Variants in ATP2B4 observed in about 807,000 individuals in gnomAD.
ATP2B4 encodes the protein ATPase plasma membrane Ca2+ transporting 4, also known as plasma membrane calcium-transporting ATPase 4.
ATP2B4 carries 39 observed loss-of-function variants against 110.3 expected under a neutral mutation model. The observed-to-expected ratio is 0.35, with a 90% CI of 0.27 to 0.46. The LOEUF (loss-of-function observed/expected upper bound fraction) is 0.46, where lower values mean the gene tolerates loss of function less well. ATP2B4 is among the 20% of genes least tolerant of loss of function. ATP2B4 has a pLI of 1.00. For missense variants in ATP2B4, 1,135 were observed against 1,530.9 expected (o/e 0.74, Z 4.32); for synonymous variants, 538 against 571.7 (o/e 0.94, Z 0.84).
At chr1:203,720,028 T>C (rs1193053649) in intron 15 of ATP2B4, among the ~76,000 whole-genome samples, 1 of 152,098 alleles carries the variant, frequency 6.6e-6, no homozygotes, top group East Asian at 1.9e-4. Context: ...GCTGAGATCC[T>C]GCCACTGCAC....
chr1:203,672,479 A>G (rs1486047240), intron 1 of ATP2B4, among the ~76,000 whole-genome samples: 1 of 152,090 alleles, frequency 6.6e-6, no homozygotes, highest in Non-Finnish European at 1.5e-5. Context: ...TCGCTTTGCC[A>G]TAGCAACCTA....
intron 1 of ATP2B4, among the ~76,000 whole-genome samples, chr1:203,659,908 C>T (rs1442034496): frequency 6.7e-6 from 1 of 149,472 alleles, no homozygotes; most frequent in East Asian, 2.0e-4. Context: ...ATGGTGAAAT[C>T]CTGTCTCTAC....
At chr1:203,724,034 A>T in intron 19 of ATP2B4, 46 bp downstream of exon 19, 1 of 1,498,908 alleles carries the variant, frequency 6.7e-7, no homozygotes, top group Non-Finnish European at 9.1e-7. Context: ...AGCCTGCAGA[A>T]CTCCCCTCCT....
chr1:203,728,125 A>C (rs1472620287), intron 20 of ATP2B4: 1 of 443,460 alleles, frequency 2.3e-6, no homozygotes, highest in Non-Finnish European at 4.6e-6. Context: ...ATGTGTAAAA[A>C]TGACAATAGT....
rs1015223134 is a variant in ATP2B4 at position 203,740,315 on chromosome 1, T to C, written c.*461T>C. 6.3e-6 allele frequency: 1 copy of C among 158,866 alleles called. No individual in the cohort carries two copies. The highest frequency in any genetic ancestry group is 2.4e-5 in the African/African-American group (1 of 41,498). The allele number at this position is 158,866 out of a possible 1,614,324, so 9.8% of individuals were successfully genotyped here. On this transcript the variant is annotated 3_prime_UTR_variant, in exon 21 of 21. Coordinates refer to ENST00000357681, the MANE Select transcript of ATP2B4 (RefSeq NM_001684.5). ...TGGAATGTATAAAATCCGCCAGTAG[T>C]GTGATTGTTTTTCAATTTTTCCCAC...
intron 1 of ATP2B4, among the ~76,000 whole-genome samples, chr1:203,628,390 G>A (rs1328617549): frequency 1.3e-5 from 2 of 152,152 alleles, no homozygotes; most frequent in African/African-American, 4.8e-5. Context: ...TGGGCACTCT[G>A]CTGCCAGAGG....
intron 4 of ATP2B4, 93 bp from the exon 5 acceptor site, chr1:203,700,113 C>G (rs757079941): frequency 6.9e-7 from 1 of 1,447,230 alleles, no homozygotes; most frequent in Non-Finnish European, 9.4e-7. Context: ...ATGGGAACAG[C>G]CATGAGATAG....
intron 20 of ATP2B4, chr1:203,729,687 G>A (rs1666640357): frequency 1.5e-6 from 2 of 1,310,616 alleles, no homozygotes; most frequent in Non-Finnish European, 2.1e-6. Flanking sequence ...GGGCGATGCA[G>A]CTCCCTGGGG....
chr1:203,723,662 C>T (rs1165569999), intron 18 of ATP2B4, among the ~76,000 whole-genome samples: 1 of 152,118 alleles, frequency 6.6e-6, no homozygotes, highest in Non-Finnish European at 1.5e-5. Flanking sequence ...ATCATAGTCA[C>T]AGTAACTATG....
At chr1:203,718,945 G>C (rs1386410000) in intron 15 of ATP2B4, among the ~76,000 whole-genome samples, 1 of 152,100 alleles carries the variant, frequency 6.6e-6, no homozygotes, top group Admixed American at 6.5e-5. Context: ...TTTTAGGCCA[G>C]TGTGGTGGCT....
intron 1 of ATP2B4, among the ~76,000 whole-genome samples, chr1:203,638,706 T>C (rs1663538437): frequency 6.6e-6 from 1 of 152,142 alleles, no homozygotes; most frequent in Non-Finnish European, 1.5e-5. Context: ...AACACCAAAC[T>C]TCCCTGGTTC....
intron 1 of ATP2B4, chr1:203,657,525 T>G (rs1314388591): frequency 2.5e-6 from 2 of 800,290 alleles, no homozygotes; most frequent in Non-Finnish European, 2.2e-6. Context: ...CTTCTTTTGT[T>G]TGGTGTTTCT....
At chr1:203,644,907 C>A (rs1300397738) in intron 1 of ATP2B4, among the ~76,000 whole-genome samples, 1 of 152,192 alleles carries the variant, frequency 6.6e-6, no homozygotes, top group Non-Finnish European at 1.5e-5. Flanking sequence ...CTCTGTATGA[C>A]TCTATGTGGC....
At chr1:203,672,481 A>T (rs1438913131) in intron 1 of ATP2B4, among the ~76,000 whole-genome samples, 1 of 152,110 alleles carries the variant, frequency 6.6e-6, no homozygotes. Context: ...GCTTTGCCAT[A>T]GCAACCTAAA....
chr1:203,738,231 C>G (rs1282440641), intron 20 of ATP2B4, among the ~76,000 whole-genome samples: 3 of 152,006 alleles, frequency 2.0e-5, no homozygotes, highest in Non-Finnish European at 4.4e-5. Flanking sequence ...GTCCTACAAC[C>G]ATTTACCTTT....
chr1:203,730,913 AG>A (rs1451500690), intron 20 of ATP2B4, among the ~76,000 whole-genome samples: 3 of 152,198 alleles, frequency 2.0e-5, no homozygotes, highest in Non-Finnish European at 2.9e-5. Context: ...TGGATCCCTG[AG>A]GTCCGCTCCC....
At chr1:203,684,356 T>TTA (rs1665113566) in intron 2 of ATP2B4, among the ~76,000 whole-genome samples, 1 of 146,524 alleles carries the variant, frequency 6.8e-6, no homozygotes, top group Non-Finnish European at 1.5e-5. Flanking sequence ...CATCTCTATT[T>TTA]TTTTTTTTTT....
chr1:203,702,562 G>A (rs888987977), intron 7 of ATP2B4, among the ~76,000 whole-genome samples: 8 of 152,124 alleles, frequency 5.3e-5, no homozygotes, highest in African/African-American at 1.9e-4. Flanking sequence ...CTTGGAGAGA[G>A]CCCTTTCTCT....
chr1:203,645,168 GT>G (rs779180041), intron 1 of ATP2B4, among the ~76,000 whole-genome samples: 2 of 152,206 alleles, frequency 1.3e-5, no homozygotes, highest in South Asian at 2.1e-4. Context: ...GCTATAAACA[GT>G]TGTGTTTCAG....
Sources: gnomAD v4.1 joint callset for allele counts (sites outside exome capture counted in the v4.1 genomes callset) on GRCh38, gnomAD v4.1.1 for gene constraint, MANE v1.5 for transcripts, NCBI Gene and HGNC (gene_info 2026-07-23, HGNC 2026-07-21) for gene names.